The following PVT1 variants were observed in gnomAD, a reference collection of about 807,000 sequenced individuals.
PVT1 encodes the protein Pvt1 oncogene.
chr8:127,823,073 ATTG>A (rs1293146306), intron 2 of PVT1, among the ~76,000 whole-genome samples: 2 of 152,202 alleles, frequency 1.3e-5, no homozygotes, highest in African/African-American at 2.4e-5. Context: ...TGTATTTTTC[ATTG>A]TTGTTGTTAA....
chr8:127,897,662 GAAGA>G (rs1418331936), intron 3 of PVT1, among the ~76,000 whole-genome samples: 1 of 147,958 alleles, frequency 6.8e-6, no homozygotes. Context: ...AGGAAGGAAG[GAAGA>G]AAGGAAAGAA....
chr8:127,980,063 G>A (rs1034010764), intron 3 of PVT1, among the ~76,000 whole-genome samples: 3 of 147,876 alleles, frequency 2.0e-5, no homozygotes, highest in Admixed American at 7.0e-5. Context: ...AAATATTTTT[G>A]TAGAGATGGG....
chr8:127,903,774 G>A (rs1036221873), intron 3 of PVT1, among the ~76,000 whole-genome samples: 10 of 152,082 alleles, frequency 6.6e-5, no homozygotes, highest in Admixed American at 1.3e-4. Context: ...ATTCTGTTCC[G>A]TTGGTCTGTG....
intron 4 of PVT1, among the ~76,000 whole-genome samples, chr8:128,049,482 A>C (rs1813661235): frequency 6.6e-6 from 1 of 152,070 alleles, no homozygotes; most frequent in African/African-American, 2.4e-5. Context: ...AGGGCACTGG[A>C]GACCTACCAG....
intron 4 of PVT1, among the ~76,000 whole-genome samples, chr8:128,007,953 A>G (rs1427833498): frequency 6.6e-6 from 1 of 152,238 alleles, no homozygotes; most frequent in Non-Finnish European, 1.5e-5. Context: ...GTTGACAGTA[A>G]TGCTAGTTGA....
intron 2 of PVT1, among the ~76,000 whole-genome samples, chr8:127,874,084 G>C (rs1236875954): frequency 6.6e-6 from 1 of 152,250 alleles, no homozygotes; most frequent in African/African-American, 2.4e-5. Flanking sequence ...GCTCAGGGCA[G>C]CTCAATTTGG....
chr8:127,868,379 G>GT (rs1396161897), intron 2 of PVT1, among the ~76,000 whole-genome samples: 2 of 151,664 alleles, frequency 1.3e-5, no homozygotes, highest in Non-Finnish European at 2.9e-5. Flanking sequence ...TTGAATCACA[G>GT]TTTTTTTTGT....
At chr8:127,819,899 T>G (rs1420742635) in intron 2 of PVT1, among the ~76,000 whole-genome samples, 1 of 152,234 alleles carries the variant, frequency 6.6e-6, no homozygotes, top group Non-Finnish European at 1.5e-5. Context: ...CTCTTTCTTT[T>G]GCACCACAGA....
chr8:127,850,552 T>C (rs1815096713), intron 2 of PVT1, among the ~76,000 whole-genome samples: 1 of 152,332 alleles, frequency 6.6e-6, no homozygotes, highest in South Asian at 2.1e-4. Context: ...TGTGGACCCA[T>C]GCACAGCCAG....
intron 2 of PVT1, among the ~76,000 whole-genome samples, chr8:127,883,843 G>A (rs1815496453): frequency 6.6e-6 from 1 of 152,134 alleles, no homozygotes; most frequent in Admixed American, 6.5e-5. Context: ...TCCCCTCAGT[G>A]TCCTCTGGGG....
chr8:128,044,099 C>T (rs1416403291), intron 4 of PVT1, among the ~76,000 whole-genome samples: 2 of 150,922 alleles, frequency 1.3e-5, no homozygotes, highest in Non-Finnish European at 2.9e-5. Context: ...ATCCTGCTGC[C>T]CAGGCTCCCA....
chr8:127,899,036 G>A (rs1192896695), intron 3 of PVT1, among the ~76,000 whole-genome samples: 1 of 152,220 alleles, frequency 6.6e-6, no homozygotes, highest in South Asian at 2.1e-4. Flanking sequence ...AGTGGGAGAT[G>A]ATGGCATAAA....
At chr8:128,008,013 C>A (rs1304310202) in intron 4 of PVT1, among the ~76,000 whole-genome samples, 2 of 152,136 alleles carry the variant, frequency 1.3e-5, no homozygotes, top group Non-Finnish European at 2.9e-5. Flanking sequence ...TCCTCAGAAA[C>A]TTTAGGGAGA....
chr8:127,832,296 T>G (rs749015947), intron 2 of PVT1, among the ~76,000 whole-genome samples: 1 of 152,174 alleles, frequency 6.6e-6, no homozygotes, highest in Non-Finnish European at 1.5e-5. Context: ...CACTTGTTAC[T>G]TTCTCTTGGG....
At chr8:127,813,964 A>G (rs1586390452) in intron 2 of PVT1, among the ~76,000 whole-genome samples, 1 of 152,070 alleles carries the variant, frequency 6.6e-6, no homozygotes, top group East Asian at 1.9e-4. Flanking sequence ...TGTATTTTTA[A>G]TAGAGACGGG....
chr8:127,972,114 C>A lies in PVT1; in HGVS notation n.783-17048C>A, dbSNP rs143521121. On this transcript the variant is annotated intron_variant and non_coding_transcript_variant, in intron 3 of 10. Coordinates refer to ENST00000651587, the Ensembl canonical transcript of PVT1. ...CCTGCAGATTCCTCAGGAACTACTG[C>A]TGCACTCCAGTGTTGGGATGGCAGC... 2.9e-3 allele frequency among the ~76,000 whole-genome samples: 448 copies of A among 152,372 alleles called. 1 individual carries two copies. The highest frequency in any genetic ancestry group is 0.01 in the African/African-American group (431 of 41,588).
chr8:127,812,273 A>G (rs922463108), intron 2 of PVT1, among the ~76,000 whole-genome samples: 18 of 150,752 alleles, frequency 1.2e-4, no homozygotes, highest in Admixed American at 6.6e-5. Context: ...GCAGGAAGGA[A>G]GGAAGGAAGG....
At chr8:128,001,474 C>T (rs1456507589) in intron 4 of PVT1, among the ~76,000 whole-genome samples, 1 of 152,096 alleles carries the variant, frequency 6.6e-6, no homozygotes, top group Non-Finnish European at 1.5e-5. Flanking sequence ...TGCCCAGCTG[C>T]CCAAGGGTCC....
At chr8:128,061,894 TA>T (rs969949281) in intron 4 of PVT1, among the ~76,000 whole-genome samples, 7 of 152,182 alleles carry the variant, frequency 4.6e-5, no homozygotes, top group African/African-American at 1.7e-4. Flanking sequence ...CCCGATTTTT[TA>T]AAAAAATGTA....
Sources: allele counts gnomAD v4.1 joint callset (sites outside exome capture counted in the v4.1 genomes callset), GRCh38; gene constraint gnomAD v4.1.1; transcripts MANE v1.5; gene names NCBI Gene and HGNC (gene_info 2026-07-23, HGNC 2026-07-21).